CA5A: variants seen among roughly 807,000 people sequenced by gnomAD.
The protein encoded by CA5A is carbonic anhydrase 5A, also known as carbonic anhydrase 5A, mitochondrial.
CA5A carries 28 observed loss-of-function variants against 37.1 expected under a neutral mutation model. The observed-to-expected ratio is 0.75, with a 90% CI of 0.56 to 1.03. The LOEUF (loss-of-function observed/expected upper bound fraction) is 1.03. Among genes scored for constraint, CA5A ranks in the 50% least tolerant of loss-of-function variants. The probability of loss-of-function intolerance (pLI) is 0.00; values close to 1 mark genes in which losing one functional copy is unlikely to be tolerated. For missense variants in CA5A, 444 were observed against 399.9 expected (o/e 1.11, Z -0.94); for synonymous variants, 171 against 158.4 (o/e 1.08, Z -0.60).
At chr16:87,927,328 G>T (rs574347375) in intron 1 of CA5A, among the ~76,000 whole-genome samples, 2 of 152,116 alleles carry the variant, frequency 1.3e-5, no homozygotes, top group Admixed American at 6.5e-5. Context: ...GAGTGCAGTG[G>T]GGCTCTTGTC....
intron 2 of CA5A, among the ~76,000 whole-genome samples, chr16:87,908,074 T>A (rs2055991969): frequency 6.6e-6 from 1 of 151,852 alleles, no homozygotes; most frequent in South Asian, 2.1e-4. Flanking sequence ...GATTAGTCAG[T>A]CCACTGATTT....
chr16:87,897,520 G>T (rs1054495081), intron 5 of CA5A, among the ~76,000 whole-genome samples: 1 of 151,822 alleles, frequency 6.6e-6, no homozygotes, highest in South Asian at 2.1e-4. Flanking sequence ...GGTGCTGGGG[G>T]TGGGGGTGGG....
Position 87,882,500 on chromosome 16 carries a change from A to G in CA5A, c.*17-561T>C, listed in dbSNP as rs1250811707. 4 of 152,326 alleles carry G rather than the reference A, an allele frequency of 2.6e-5. No homozygotes were observed. The East Asian group carries it at 5.8e-4, about 22-fold the overall frequency. The allele number at this position is 152,326 out of a possible 1,614,324, so 9.4% of individuals were successfully genotyped here. On this transcript the variant is annotated intron_variant, in intron 4 of 4. Transcript: ENST00000648177. ...ATTTTGTGGAACTTGTCGCAACTCA[A>G]TGGGAGTGCCGTGGCCCTTACGCCC...
rs534860826 is a variant in CA5A at position 87,902,437 on chromosome 16, G to T, written c.543C>A (p.Gly181=). Residue 181 remains glycine, a synonymous_variant, in exon 4 of 7, where the codon GGC becomes GGA. Coordinates refer to ENST00000649794, the MANE Select transcript of CA5A (RefSeq NM_001739.2). ...VVGENGLAVI[G]VFLKLGAHHQ... ...AGCAAGTGATTACCTTTAAAAACACGCCTATCACAGCCAAACCATTCTCTC... is the reference window on the plus strand; with the variant it reads ...AGCAAGTGATTACCTTTAAAAACACTCCTATCACAGCCAAACCATTCTCTC... 3.1e-6 allele frequency: 5 copies of T among 1,606,498 alleles called. No homozygotes were observed. The highest frequency in any genetic ancestry group is 4.5e-5 in the East Asian group (2 of 44,824).
intron 2 of CA5A, chr16:87,923,774 G>A (rs2056262999): frequency 3.4e-5 from 33 of 985,020 alleles, no homozygotes; most frequent in Non-Finnish European, 3.9e-5. Context: ...AAATATCAGT[G>A]AGACCCACAG....
intron 5 of CA5A, among the ~76,000 whole-genome samples, chr16:87,895,103 A>T (rs1192994485): frequency 6.6e-6 from 1 of 152,010 alleles, no homozygotes; most frequent in Non-Finnish European, 1.5e-5. Flanking sequence ...TACAAAAACT[A>T]GCCAGGTGCA....
chr16:87,920,983 G>A (rs2056222448), intron 2 of CA5A, among the ~76,000 whole-genome samples: 1 of 151,962 alleles, frequency 6.6e-6, no homozygotes, highest in African/African-American at 2.4e-5. Context: ...TGTAGAGATG[G>A]GGTTTCTCCA....
rs530642418 is a variant in CA5A at position 87,928,269 on chromosome 16, T to C, written c.143-1324A>G. Among the ~76,000 whole-genome samples, 9 of 152,250 alleles carry C rather than the reference T, an allele frequency of 5.9e-5. No individual in the cohort carries two copies. The East Asian group carries it at 1.7e-3, about 29-fold the overall frequency. ...GCCTTGAACCCCTAGGCTGAATCGA[T>C]CCTCCCACCTCAGCCTCCTGAGCAG... is the stretch of plus-strand genomic sequence containing the variant. On this transcript the variant is annotated intron_variant, in intron 1 of 6. Coordinates refer to ENST00000649794, the MANE Select transcript of CA5A (RefSeq NM_001739.2).
chr16:87,915,689 C>CAAAAAAAAA (rs10593708), intron 2 of CA5A, among the ~76,000 whole-genome samples: 1 of 83,618 alleles, frequency 1.2e-5, no homozygotes, highest in African/African-American at 4.1e-5. Flanking sequence ...ATCCTGTCTC[C>CAAAAAAAAA]AAAAAAAAAA....
rs111657687 is a variant in CA5A at position 87,891,748 on chromosome 16, G to C, written c.774+51C>G. On this transcript the variant is annotated intron_variant, in intron 6 of 6. Coordinates refer to ENST00000649794, the MANE Select transcript of CA5A (RefSeq NM_001739.2). ...GCATCTTAGTGACGCTGCCAAGCAA[G>C]AGGGACGCCTTCCATGAAGCGCCAT... is the stretch of plus-strand genomic sequence containing the variant. 2.6e-5 allele frequency: 37 copies of C among 1,423,846 alleles called. 1 individual carries two copies. The African/African-American group carries it at 4.0e-4, about 15-fold the overall frequency. 88.2% of individuals were successfully genotyped at this position (1,423,846 alleles called of 1,614,324 possible).
chr16:87,919,295 C>T (rs1014170500), intron 2 of CA5A, among the ~76,000 whole-genome samples: 1 of 152,260 alleles, frequency 6.6e-6, no homozygotes, highest in Non-Finnish European at 1.5e-5. Flanking sequence ...ACTCTGGGAA[C>T]AGCGTCCTCG....
Position 87,927,367 on chromosome 16 carries a change from C to G in CA5A, c.143-422G>C, listed in dbSNP as rs1229431556. On this transcript the variant is annotated intron_variant, in intron 1 of 6. Transcript: ENST00000649794. ...CGGGAAGGGCTTGAAACTTCCCTTC[C>G]CACTCCCAGGTACCCCACCTAGTGG... 2.6e-5 allele frequency among the ~76,000 whole-genome samples: 4 copies of G among 152,106 alleles called. No individual in the cohort carries two copies. The East Asian group carries it at 7.7e-4, about 29-fold the overall frequency.
At chr16:87,902,946 C>T (rs140776210) in intron 3 of CA5A, among the ~76,000 whole-genome samples, 1 of 151,592 alleles carries the variant, frequency 6.6e-6, no homozygotes, top group African/African-American at 2.4e-5. Flanking sequence ...GTTGTTGCAG[C>T]CAGATGAGTA....
At chr16:87,892,727 G>A (rs1432369691) in intron 5 of CA5A, among the ~76,000 whole-genome samples, 1 of 145,026 alleles carries the variant, frequency 6.9e-6, no homozygotes, top group African/African-American at 2.6e-5. Context: ...AGGCTGGAGT[G>A]CAATGGTGTG....
intron 2 of CA5A, among the ~76,000 whole-genome samples, chr16:87,920,954 T>G (rs1437068129): frequency 2.0e-5 from 3 of 152,112 alleles, no homozygotes; most frequent in Non-Finnish European, 4.4e-5. Context: ...CCATCACGCC[T>G]GGCTACTTTT....
chr16:87,908,274 T>C (rs906856978), intron 2 of CA5A, among the ~76,000 whole-genome samples: 1 of 152,156 alleles, frequency 6.6e-6, no homozygotes, highest in African/African-American at 2.4e-5. Flanking sequence ...TAGCTTAGCC[T>C]CTCTGAGCCT....
chr16:87,894,867 A>G (rs947040888), intron 5 of CA5A, among the ~76,000 whole-genome samples: 5 of 151,800 alleles, frequency 3.3e-5, no homozygotes, highest in Non-Finnish European at 5.9e-5. Flanking sequence ...CAACAGAGAG[A>G]GAGACTCTGT....
intron 1 of CA5A, among the ~76,000 whole-genome samples, chr16:87,935,335 G>A (rs916605658): frequency 7.9e-5 from 12 of 152,214 alleles, no homozygotes; most frequent in African/African-American, 2.9e-4. Context: ...GCTGGCACGG[G>A]GCAGTTTCTT....
At chr16:87,919,902 G>T (rs943815735) in intron 2 of CA5A, among the ~76,000 whole-genome samples, 1 of 152,094 alleles carries the variant, frequency 6.6e-6, no homozygotes, top group Non-Finnish European at 1.5e-5. Flanking sequence ...ACTTGAACTC[G>T]GCCGTGCAGG....
Sources: allele counts gnomAD v4.1 joint callset (sites outside exome capture counted in the v4.1 genomes callset), GRCh38; gene constraint gnomAD v4.1.1; transcripts MANE v1.5; gene names NCBI Gene and HGNC (gene_info 2026-07-23, HGNC 2026-07-21).